Variants in MAST4 observed in about 807,000 individuals in gnomAD.
MAST4 encodes the protein microtubule-associated serine/threonine-protein kinase 4.
MAST4 carries 89 observed loss-of-function variants against 162.7 expected under a neutral mutation model. That is an observed-to-expected ratio of 0.55 (90% CI 0.46 to 0.65). The LOEUF (loss-of-function observed/expected upper bound fraction) is 0.65. Ranked by LOEUF, MAST4 falls within the 30% of genes least tolerant of loss-of-function variation. The probability of loss-of-function intolerance (pLI) is 0.00; values close to 1 mark genes in which losing one functional copy is unlikely to be tolerated. For synonymous variants in MAST4, 1,479 were observed against 1,361.1 expected, an observed-to-expected ratio of 1.09 and a Z score of -1.91; for missense variants, 3,153 against 3,374.0, an observed-to-expected ratio of 0.93 and a Z score of 1.62.
At chr5:66,802,466 T>TA (rs968295205) in intron 3 of MAST4, among the ~76,000 whole-genome samples, 1 of 152,174 alleles carries the variant, frequency 6.6e-6, no homozygotes, top group African/African-American at 2.4e-5. Context: ...TTACAGTTCT[T>TA]AAAAAAACTA....
chr5:66,656,822 A>C (rs1009816191), intron 1 of MAST4, among the ~76,000 whole-genome samples: 3 of 152,204 alleles, frequency 2.0e-5, no homozygotes, highest in African/African-American at 7.2e-5. Context: ...TACTAAGTGA[A>C]ATGTTTTTCT....
rs571681654 is a variant in MAST4, at chr5:66,769,589, T to C, written c.517+9727T>C. Among the ~76,000 whole-genome samples the C allele has an allele frequency of 1.1e-3, 169 of 152,338 alleles. 1 individual carries two copies. Among genetic ancestry groups the C allele is most frequent in the African/African-American group, 4.0e-3 (167 of 41,574 alleles). On this transcript the variant is annotated intron_variant, in intron 2 of 28. Transcript: ENST00000403625. The stretch of plus-strand genomic sequence containing the variant: ...GCATCTTTACAGCATGTTACTGTAC[T>C]GCATACTGCAGGCAACTGTAACACA...
chr5:67,092,028 A>T (rs991892256), intron 6 of MAST4, among the ~76,000 whole-genome samples: 4 of 152,202 alleles, frequency 2.6e-5, no homozygotes, highest in African/African-American at 9.6e-5. Flanking sequence ...GTGTATTTTT[A>T]TGTAACATCT....
At position 67,121,039 on chromosome 5, in the gene MAST4, T is replaced by A. The variant is rs1367903154; in HGVS notation, c.1682T>A (p.Leu561His). 6.2e-7 allele frequency: 1 copy of A among 1,611,328 alleles called. No homozygotes were observed. Among genetic ancestry groups the A allele is most frequent in the Non-Finnish European group, 8.5e-7 (1 of 1,178,750 alleles). ...SVSSSNASLK[L>H]RRKPRESDFE... ...AAGAGCTCTAATGCCTCCCTGAAACTTCGAAGGAAACCTCGGGAAAGTGAT... is the reference window on the plus strand; with the variant it reads ...AAGAGCTCTAATGCCTCCCTGAAACATCGAAGGAAACCTCGGGAAAGTGAT... The change falls in exon 14 of 29, where the codon CTT (leucine) becomes CAT (histidine). Residue 561 changes from leucine to histidine, a missense_variant. Physicochemically the swap from Leu to His is moderately conservative, Grantham distance 99 (BLOSUM62 -3). Around this residue, in one of 7 missense-constraint regions of MAST4, gnomAD observed 360 missense variants for 450.0 expected, o/e 0.80. Transcript: ENST00000403625.
At chr5:67,161,788 T>C (rs914479300) in intron 27 of MAST4, among the ~76,000 whole-genome samples, 2 of 152,252 alleles carry the variant, frequency 1.3e-5, no homozygotes, top group African/African-American at 4.8e-5. Context: ...TTTATTATTA[T>C]GCTTTATATT....
Position 67,163,785 on chromosome 5 carries a change from G to A in MAST4, c.4606G>A (p.Val1536Met), listed in dbSNP as rs1773521885. Reference protein sequence around the residue: ...DLDRDKLKAKVVVKKADGFPE... With the variant: ...DLDRDKLKAKMVVKKADGFPE... ...GGACCGCGACAAGCTGAAGGCCAAG[G>A]TGGTGGTGAAGAAAGCAGACGGCTT... Residue 1536 changes from valine to methionine, a missense_variant, in exon 29 of 29, where the codon GTG becomes ATG. Coordinates refer to ENST00000403625, the MANE Select transcript of MAST4 (RefSeq NM_001164664.2). This position sits in a 1 kb window ranked among gnomAD's most constrained non-coding sequence, Gnocchi z 7.0. 6.2e-7 allele frequency: 1 copy of A among 1,611,814 alleles called. No homozygotes were observed. The highest frequency in any genetic ancestry group is 8.5e-7 in the Non-Finnish European group (1 of 1,178,964).
At chr5:66,935,857 G>A (rs534656922) in intron 4 of MAST4, among the ~76,000 whole-genome samples, 140 of 151,916 alleles carry the variant, frequency 9.2e-4, no homozygotes, top group Non-Finnish European at 1.8e-3. Context: ...TAGTAGAGAC[G>A]GGGTTTCATC....
chr5:67,076,018 C>T (rs1323238162), intron 5 of MAST4, among the ~76,000 whole-genome samples: 2 of 152,234 alleles, frequency 1.3e-5, no homozygotes, highest in Middle Eastern at 3.4e-3. Flanking sequence ...CTGACACCAT[C>T]CCACTCTACT....
intron 1 of MAST4, among the ~76,000 whole-genome samples, chr5:66,608,355 CTTTTTTTTTTTTTTT>C (rs72272071): frequency 8.1e-4 from 36 of 44,424 alleles, no homozygotes; most frequent in Middle Eastern, 0.019. Context: ...TGTGCCTGGC[CTTTTTTTTTTTTTTT>C]TTTTTTTTTT....
chr5:67,016,487 A>G (rs1753298945), intron 4 of MAST4, among the ~76,000 whole-genome samples: 2 of 152,200 alleles, frequency 1.3e-5, no homozygotes, highest in African/African-American at 2.4e-5. Context: ...GATAATTTTG[A>G]TCTTTGGTAC....
At chr5:66,910,157 C>A (rs1477709443) in intron 4 of MAST4, among the ~76,000 whole-genome samples, 1 of 152,148 alleles carries the variant, frequency 6.6e-6, no homozygotes, top group Admixed American at 6.5e-5. Flanking sequence ...TTGACTTCAC[C>A]ATGTATGTCA....
chr5:66,682,333 G>T (rs1748385414), intron 1 of MAST4, among the ~76,000 whole-genome samples: 1 of 152,178 alleles, frequency 6.6e-6, no homozygotes, highest in Admixed American at 6.5e-5. Flanking sequence ...GTGCCTTCTT[G>T]TTCTTATGAA....
At chr5:67,031,678 G>T (rs945099584) in intron 4 of MAST4, among the ~76,000 whole-genome samples, 1 of 152,116 alleles carries the variant, frequency 6.6e-6, no homozygotes, top group Admixed American at 6.6e-5. Flanking sequence ...TGATCTGTTA[G>T]CTGGAGAAAG....
chr5:66,926,626 G>A (rs1764920489), intron 4 of MAST4, among the ~76,000 whole-genome samples: 1 of 151,366 alleles, frequency 6.6e-6, no homozygotes, highest in African/African-American at 2.4e-5. Context: ...ATATATGTGT[G>A]TATATATGTA....
chr5:67,015,481 G>C (rs1251490279), intron 4 of MAST4, among the ~76,000 whole-genome samples: 3 of 152,164 alleles, frequency 2.0e-5, no homozygotes, highest in Non-Finnish European at 4.4e-5. Flanking sequence ...AGTCTCAGGT[G>C]TGTATTTATC....
At chr5:66,706,367 C>G (rs977240770) in intron 1 of MAST4, among the ~76,000 whole-genome samples, 2 of 151,976 alleles carry the variant, frequency 1.3e-5, no homozygotes, top group Non-Finnish European at 2.9e-5. Context: ...AGCCCCAAAC[C>G]CACCATTATT....
At chr5:66,707,290 C>T (rs1311708804) in intron 1 of MAST4, among the ~76,000 whole-genome samples, 2 of 152,152 alleles carry the variant, frequency 1.3e-5, no homozygotes, top group African/African-American at 4.8e-5. Context: ...CCATTGTTTC[C>T]AGCCAGGATT....
intron 2 of MAST4, among the ~76,000 whole-genome samples, chr5:66,763,856 C>T (rs1183807417): frequency 6.6e-6 from 1 of 152,118 alleles, no homozygotes; most frequent in African/African-American, 2.4e-5. Context: ...CTGGATGTAA[C>T]CCCACTGTAA....
chr5:67,137,998 C>T (rs1769882372), intron 19 of MAST4, among the ~76,000 whole-genome samples: 1 of 152,172 alleles, frequency 6.6e-6, no homozygotes, highest in African/African-American at 2.4e-5. Context: ...CACCTTGTGT[C>T]TTTTTTACCT....
Sources: gnomAD v4.1 joint callset for allele counts (sites outside exome capture counted in the v4.1 genomes callset) on GRCh38, gnomAD v4.1.1 for gene constraint, gnomAD v4.1.1 regional missense constraint, Gnocchi (gnomAD v3.1) non-coding constraint, MANE v1.5 for transcripts, NCBI Gene and HGNC (gene_info 2026-07-23, HGNC 2026-07-21) for gene names.